The following KCNJ9 variants were observed in gnomAD, a reference collection of about 807,000 sequenced individuals.
KCNJ9 encodes the protein G protein-activated inward rectifier potassium channel 3.
A neutral mutation model predicts 27.9 loss-of-function variants in KCNJ9; 18 were observed. That is an observed-to-expected ratio of 0.65 (90% CI 0.45 to 0.96). The LOEUF (loss-of-function observed/expected upper bound fraction) is 0.96, where lower values mean the gene tolerates loss of function less well. Among genes scored for constraint, KCNJ9 ranks in the 40% least tolerant of loss-of-function variants. The probability of loss-of-function intolerance (pLI) is 0.00; values close to 1 mark genes in which losing one functional copy is unlikely to be tolerated. For synonymous variants in KCNJ9, 229 were observed against 248.2 expected (o/e 0.92, Z 0.73); for missense variants, 324 against 557.5 (o/e 0.58, Z 4.22).
Position 160,089,059 on chromosome 1 carries a change from G to C in KCNJ9, c.*1242G>C, listed in dbSNP as rs1209632301. On this transcript the variant is annotated 3_prime_UTR_variant, in exon 3 of 3. Transcript: ENST00000368088. Reference sequence around the variant, plus strand: ...TCCACTCCAAGGGTTTCTGACCCAAGAGGTGGGGACCAAAACCATGCATTC... The same window carrying C: ...TCCACTCCAAGGGTTTCTGACCCAACAGGTGGGGACCAAAACCATGCATTC... 6.6e-6 allele frequency: 1 copy of C among 152,236 alleles called. No individual in the cohort carries two copies. Among genetic ancestry groups the C allele is most frequent in the African/African-American group, 2.4e-5 (1 of 41,462 alleles). The allele number at this position is 152,236 out of a possible 1,614,324, so 9.4% of individuals were successfully genotyped here.
rs902262414 is a variant in KCNJ9, at chr1:160,088,898, T to C, written c.*1081T>C. 5 of 152,022 alleles carry C rather than the reference T, an allele frequency of 3.3e-5. No homozygotes were observed. The highest frequency in any genetic ancestry group is 6.6e-5 in the Admixed American group (1 of 15,254). The allele number at this position is 152,022 out of a possible 1,614,324, so 9.4% of individuals were successfully genotyped here. ...CAAACTGACAACCTGTGCAGTCCCG[T>C]GGAGGGTAGGGGAGTGTGGGTGATC... On this transcript the variant is annotated 3_prime_UTR_variant, in exon 3 of 3. Coordinates refer to ENST00000368088, the MANE Select transcript of KCNJ9 (RefSeq NM_004983.3).
Position 160,084,061 on chromosome 1 carries a change from G to C in KCNJ9, c.31G>C (p.Gly11Arg), listed in dbSNP as rs770136188. Residue 11 changes from glycine to arginine, a missense_variant, in exon 2 of 3, where the codon GGG becomes CGG. By Grantham distance (125) the Gly-to-Arg change is moderately radical (BLOSUM62 -2). Around this residue, in one of 3 missense-constraint regions of KCNJ9, gnomAD observed 32 missense variants for 31.7 expected, o/e 1.01. Transcript: ENST00000368088. Reference sequence around the variant, plus strand: ...GCAGGAGAACGCGGCCTTCTCGCCCGGGCAGGAGGAGCCGCCGCGGCGCCG... The same window carrying C: ...GCAGGAGAACGCGGCCTTCTCGCCCCGGCAGGAGGAGCCGCCGCGGCGCCG... MAQENAAFSPGQEEPPRRRGR... is the reference protein window; with the variant it reads MAQENAAFSPRQEEPPRRRGR... The C allele has an allele frequency of 2.6e-6, 4 of 1,528,334 alleles. No individual in the cohort carries two copies. The highest frequency in any genetic ancestry group is 2.1e-4 in the Middle Eastern group (1 of 4,674). The allele number at this position is 1,528,334 out of a possible 1,614,324, so 94.7% of individuals were successfully genotyped here.
In KCNJ9 at chr1:160,083,984, C is replaced by G; in HGVS notation, c.-47C>G. The G allele has an allele frequency of 1.6e-6, 2 of 1,224,792 alleles. No individual in the cohort carries two copies. Among genetic ancestry groups the G allele is most frequent in the South Asian group, 3.9e-5 (1 of 25,698 alleles). 75.9% of individuals were successfully genotyped at this position (1,224,792 alleles called of 1,614,324 possible). A position where few individuals can be genotyped will look rare whatever the true frequency, so the allele number is the denominator to read the frequency against. ...GCGGCAGGTGGCAGCAGCTCGGGCC[C>G]CCGCCGCACTCCAGGCGCCCGCAGC... On this transcript the variant is annotated 5_prime_UTR_variant, in exon 2 of 3. Transcript: ENST00000368088.
chr1:160,086,017 C>G (rs1439092413), intron 2 of KCNJ9, among the ~76,000 whole-genome samples: 1 of 152,222 alleles, frequency 6.6e-6, no homozygotes, highest in East Asian at 1.9e-4. Flanking sequence ...CCAGCTGTCA[C>G]TCCTTTTCTG....
chr1:160,082,815 T>G (rs1375707444), intron 1 of KCNJ9, among the ~76,000 whole-genome samples: 3 of 151,988 alleles, frequency 2.0e-5, no homozygotes, highest in Non-Finnish European at 4.4e-5. Context: ...CTGGGTGCTT[T>G]GGGGAAGGGC....
intron 2 of KCNJ9, 134 bp from the exon 3 acceptor site, chr1:160,087,352 G>C: frequency 7.5e-7 from 1 of 1,328,318 alleles, no homozygotes; most frequent in East Asian, 2.9e-5. Context: ...GGGGGGAAAT[G>C]GACTGGACCA....
In KCNJ9 at chr1:160,089,958, C is replaced by A. The variant is rs12402888; in HGVS notation, c.*2141C>A. Reference sequence around the variant, plus strand: ...GGGTCCTATGGGGCACAGCCAGGGTCCTATGGGCATAGCCAGGGCCCTATG... The same window carrying A: ...GGGTCCTATGGGGCACAGCCAGGGTACTATGGGCATAGCCAGGGCCCTATG... On this transcript the variant is annotated 3_prime_UTR_variant, in exon 3 of 3. Coordinates refer to ENST00000368088, the MANE Select transcript of KCNJ9 (RefSeq NM_004983.3). 0.099 allele frequency: 15,097 copies of A among 152,264 alleles called. 980 individuals are homozygous for A. The highest frequency in any genetic ancestry group is 0.14 in the Admixed American group (2,138 of 15,288). The allele number at this position is 152,264 out of a possible 1,614,324, so 9.4% of individuals were successfully genotyped here. A position where few individuals can be genotyped will look rare whatever the true frequency, so the allele number is the denominator to read the frequency against.
chr1:160,088,130 C>A lies in KCNJ9; in HGVS notation c.*313C>A. The A allele has an allele frequency of 3.2e-6, 1 of 309,048 alleles. No homozygotes were observed. Among genetic ancestry groups the A allele is most frequent in the East Asian group, 5.2e-5 (1 of 19,084 alleles). The allele number at this position is 309,048 out of a possible 1,614,324, so 19.1% of individuals were successfully genotyped here. On this transcript the variant is annotated 3_prime_UTR_variant, in exon 3 of 3. Transcript: ENST00000368088. ...TGGGGGTTGGATGGGAAGATGGTAG[C>A]AGATAAAGACAGCTGACAGATACAT...
At chr1:160,087,340 AG>A (rs1489179921) in intron 2 of KCNJ9, 145 bp from the exon 3 acceptor site, 17 of 1,239,278 alleles carry the variant, frequency 1.4e-5, no homozygotes, top group Non-Finnish European at 1.8e-5. Context: ...GGAGCTAGGG[AG>A]GGGGGGAAAT....
In KCNJ9 at chr1:160,084,548, T is replaced by TA; in HGVS notation, c.518_519insA (p.Phe173LeufsTer155). 1 of 1,612,158 alleles carries TA rather than the reference T, an allele frequency of 6.2e-7. No individual in the cohort carries two copies. Among genetic ancestry groups the TA allele is most frequent in the Non-Finnish European group, 8.5e-7 (1 of 1,179,232 alleles). On this transcript the variant is annotated frameshift_variant, in exon 2 of 3. Coordinates refer to ENST00000368088, the MANE Select transcript of KCNJ9 (RefSeq NM_004983.3). LOFTEE classifies it high-confidence loss of function. The stretch of plus-strand genomic sequence containing the variant: ...AACAAGCGCGCAGCCACGCTCGTCT[T>TA]CTCCTCGCACGCCGTGGTGTCGCTG...
In KCNJ9 at chr1:160,083,682, T is replaced by G. The variant is rs935636612; in HGVS notation, c.-114-235T>G. Among the ~76,000 whole-genome samples the G allele has an allele frequency of 5.9e-5, 9 of 152,338 alleles. No homozygotes were observed. In the East Asian group the frequency reaches 1.7e-3, roughly 29 times the overall value. ...CAAAATATCTGGTACCTCCTTCCCC[T>G]GAAAATCATCGTGGAACTTGCACAG... is the stretch of plus-strand genomic sequence containing the variant. On this transcript the variant is annotated intron_variant, in intron 1 of 2. Transcript: ENST00000368088.
chr1:160,087,192 C>G (rs190686655), intron 2 of KCNJ9, among the ~76,000 whole-genome samples: 171 of 152,212 alleles, frequency 1.1e-3, no homozygotes, highest in African/African-American at 3.8e-3. Context: ...AGAAGTTGGA[C>G]TAGAGGATCC....
chr1:160,084,846 C>G lies in KCNJ9; in HGVS notation c.816C>G (p.Ile272Met). The change falls in exon 2 of 3, where the codon ATC becomes ATG. Residue 272 changes from isoleucine to methionine, a missense_variant. Coordinates refer to ENST00000368088, the MANE Select transcript of KCNJ9 (RefSeq NM_004983.3). ...RRALERDDFEIVVILEGMVEA... is the reference protein window; with the variant it reads ...RRALERDDFEMVVILEGMVEA... ...CCCTCGAGAGGGACGACTTCGAGAT[C>G]GTCGTTATCCTCGAGGGCATGGTGG... The G allele has an allele frequency of 6.5e-7, 1 of 1,538,074 alleles. No homozygotes were observed. Among genetic ancestry groups the G allele is most frequent in the Non-Finnish European group, 8.8e-7 (1 of 1,141,038 alleles).
At position 160,089,755 on chromosome 1, in the gene KCNJ9, G is replaced by C. The variant is rs1208539517; in HGVS notation, c.*1938G>C. On this transcript the variant is annotated 3_prime_UTR_variant, in exon 3 of 3. Transcript: ENST00000368088. Reference sequence around the variant, plus strand: ...GAGGGGTGGAAGGGACCTGAAGCTGGCCTGGAGAAAAGCATAGGCCCAGGA... The same window carrying C: ...GAGGGGTGGAAGGGACCTGAAGCTGCCCTGGAGAAAAGCATAGGCCCAGGA... 6.6e-6 allele frequency: 1 copy of C among 152,306 alleles called. No homozygotes were observed. Among genetic ancestry groups the C allele is most frequent in the African/African-American group, 2.4e-5 (1 of 41,438 alleles). 9.4% of individuals were successfully genotyped at this position (152,306 alleles called of 1,614,324 possible). A position where few individuals can be genotyped will look rare whatever the true frequency, so the allele number is the denominator to read the frequency against.
chr1:160,089,886 C>G lies in KCNJ9; in HGVS notation c.*2069C>G, dbSNP rs547555702. The G allele has an allele frequency of 6.5e-6, 1 of 152,814 alleles. No homozygotes were observed. The highest frequency in any genetic ancestry group is 1.9e-4 in the East Asian group (1 of 5,186). The allele number at this position is 152,814 out of a possible 1,614,324, so 9.5% of individuals were successfully genotyped here. On this transcript the variant is annotated 3_prime_UTR_variant, in exon 3 of 3. Coordinates refer to ENST00000368088, the MANE Select transcript of KCNJ9 (RefSeq NM_004983.3). Reference sequence around the variant, plus strand: ...TCCCACTCCTGCCCTTTCATAAGCCCCCTGGGGAAAGCACTCCAGTCTTCT... The same window carrying G: ...TCCCACTCCTGCCCTTTCATAAGCCGCCTGGGGAAAGCACTCCAGTCTTCT...
Position 160,084,813 on chromosome 1 carries a change from G to C in KCNJ9, c.783G>C (p.Ser261=), listed in dbSNP as rs779767337. ...IDAASPFWEA[S]RRALERDDFE... is the part of the protein sequence containing the mutation. ...CCGCCAGCCCCTTCTGGGAGGCGTC[G>C]CGCCGTGCCCTCGAGAGGGACGACT... Residue 261 remains serine, a synonymous_variant, in exon 2 of 3, where the codon TCG becomes TCC. Coordinates refer to ENST00000368088, the MANE Select transcript of KCNJ9 (RefSeq NM_004983.3). 3 of 1,550,200 alleles carry C rather than the reference G, an allele frequency of 1.9e-6. No homozygotes were observed. The South Asian group carries it at 3.6e-5, about 18-fold the overall frequency.
chr1:160,087,515 C>A lies in KCNJ9; in HGVS notation c.880C>A (p.Leu294Met). 1 of 1,607,902 alleles carries A rather than the reference C, an allele frequency of 6.2e-7. No homozygotes were observed. Among genetic ancestry groups the A allele is most frequent in the South Asian group, 1.1e-5 (1 of 90,512 alleles). The part of the protein sequence containing the change: ...GMTCQARSSY[L>M]VDEVLWGHRF... ...GACATGCCAAGCTCGGAGCTCCTAC[C>A]TGGTAGACGAGGTGCTGTGGGGCCA... The change falls in exon 3 of 3, where the codon CTG becomes ATG. Residue 294 changes from leucine to methionine, a missense_variant. Around this residue, in one of 3 missense-constraint regions of KCNJ9, gnomAD observed 241 missense variants for 481.7 expected, o/e 0.50. Transcript: ENST00000368088.
At position 160,081,539 on chromosome 1, in the gene KCNJ9, CAGAT is replaced by C. The variant is rs1477818845; in HGVS notation, c.-270_-267del. On this transcript the variant is annotated 5_prime_UTR_variant, in exon 1 of 3. Transcript: ENST00000368088. ...GGGAGCCTGGGAAGTAGGGATGACA[CAGAT>C]AGCAAGTCCTAGTCAGAGCTGCCGC... is the stretch of plus-strand genomic sequence containing the variant. 6.6e-6 allele frequency: 1 copy of C among 152,208 alleles called. No individual in the cohort carries two copies. Among genetic ancestry groups the C allele is most frequent in the Non-Finnish European group, 1.5e-5 (1 of 68,060 alleles). The allele number at this position is 152,208 out of a possible 1,614,324, so 9.4% of individuals were successfully genotyped here.
At chr1:160,082,779 G>T (rs1296496264) in intron 1 of KCNJ9, among the ~76,000 whole-genome samples, 1 of 152,188 alleles carries the variant, frequency 6.6e-6, no homozygotes, top group African/African-American at 2.4e-5. Flanking sequence ...ACCTTTCCCT[G>T]TATGGTCCAT....
Sources: gnomAD v4.1 joint callset for allele counts (sites outside exome capture counted in the v4.1 genomes callset) on GRCh38, gnomAD v4.1.1 for gene constraint, gnomAD v4.1.1 regional missense constraint, MANE v1.5 for transcripts, NCBI Gene and HGNC (gene_info 2026-07-23, HGNC 2026-07-21) for gene names.